SLC2A13: variants seen among roughly 807,000 people sequenced by gnomAD.
The protein encoded by SLC2A13 is solute carrier family 2 member 13.
SLC2A13 carries 32 observed loss-of-function variants against 64.4 expected under a neutral mutation model. The ratio of observed to expected loss-of-function variants is 0.50; its 90% CI spans 0.37 to 0.67. SLC2A13 has a LOEUF of 0.67. Ranked by LOEUF, SLC2A13 falls within the 30% of genes least tolerant of loss-of-function variation. SLC2A13 has a pLI of 0.00. For missense variants in SLC2A13, 743 were observed against 829.2 expected (o/e 0.90, Z 1.28); for synonymous variants, 338 against 327.1 (o/e 1.03, Z -0.36).
At position 39,813,278 on chromosome 12, in the gene SLC2A13, A is replaced by G. The variant is rs571193996; in HGVS notation, c.1445+16825T>C. Among the ~76,000 whole-genome samples, 5 of 152,034 alleles carry G rather than the reference A, an allele frequency of 3.3e-5. No homozygotes were observed. In the South Asian group the frequency reaches 1.0e-3, roughly 32 times the overall value. The stretch of plus-strand genomic sequence containing the variant: ...ACTTTTGTCTTTGATCTAGGTCAGC[A>G]TTTATTTTGACATACATCAAAATTT... On this transcript the variant is annotated intron_variant, in intron 7 of 9. Transcript: ENST00000280871.
At chr12:39,864,573 C>A (rs1233804272) in intron 6 of SLC2A13, among the ~76,000 whole-genome samples, 189 bp downstream of exon 6, 1 of 152,204 alleles carries the variant, frequency 6.6e-6, no homozygotes, top group Non-Finnish European at 1.5e-5. Context: ...TCCTTACACT[C>A]ACACATCTGC....
At chr12:39,790,111 T>G (rs974854793) in intron 7 of SLC2A13, among the ~76,000 whole-genome samples, 21 of 69,974 alleles carry the variant, frequency 3.0e-4, no homozygotes, top group African/African-American at 9.0e-4. Context: ...TAAGATTCTG[T>G]GCATTCTTTT....
At chr12:39,876,578 A>G (rs1183124803) in intron 4 of SLC2A13, among the ~76,000 whole-genome samples, 1 of 152,178 alleles carries the variant, frequency 6.6e-6, no homozygotes, top group African/African-American at 2.4e-5. Context: ...AAAATTAAAG[A>G]CTGATAATAG....
At chr12:40,031,012 T>G (rs1001020653) in intron 2 of SLC2A13, among the ~76,000 whole-genome samples, 1 of 152,238 alleles carries the variant, frequency 6.6e-6, no homozygotes, top group African/African-American at 2.4e-5. Flanking sequence ...ATCCTAATAC[T>G]TCTAAAAGTA....
At chr12:39,789,494 C>G (rs1326020374) in intron 7 of SLC2A13, among the ~76,000 whole-genome samples, 2 of 152,084 alleles carry the variant, frequency 1.3e-5, no homozygotes, top group Non-Finnish European at 2.9e-5. Flanking sequence ...AATAATGCTG[C>G]TATGCACATA....
intron 1 of SLC2A13, among the ~76,000 whole-genome samples, chr12:40,098,029 A>G (rs1248260279): frequency 6.8e-6 from 1 of 146,398 alleles, no homozygotes; most frequent in Non-Finnish European, 1.5e-5. Flanking sequence ...GTGTATATGT[A>G]TGTATATATG....
At chr12:40,001,371 G>T (rs554605170) in intron 3 of SLC2A13, among the ~76,000 whole-genome samples, 37 of 152,310 alleles carry the variant, frequency 2.4e-4, no homozygotes, top group African/African-American at 8.7e-4. Flanking sequence ...GGAATAAAAA[G>T]TCAGGTGAAT....
chr12:39,868,419 C>T (rs1038956459), intron 5 of SLC2A13, among the ~76,000 whole-genome samples: 3 of 152,174 alleles, frequency 2.0e-5, no homozygotes, highest in African/African-American at 7.2e-5. Context: ...AATTTCCCTT[C>T]CCATGACTCT....
At chr12:40,007,573 G>A (rs563852914) in intron 3 of SLC2A13, among the ~76,000 whole-genome samples, 2 of 152,190 alleles carry the variant, frequency 1.3e-5, no homozygotes, top group South Asian at 4.1e-4. Context: ...GTTTTTAAAT[G>A]ATGATGGAAA....
intron 3 of SLC2A13, among the ~76,000 whole-genome samples, chr12:39,974,180 A>G (rs1373682980): frequency 1.3e-5 from 2 of 152,194 alleles, no homozygotes; most frequent in Non-Finnish European, 2.9e-5. Flanking sequence ...TAGTGTTATC[A>G]TTCCTGTTTT....
chr12:39,848,711 C>T (rs1375923431), intron 6 of SLC2A13, among the ~76,000 whole-genome samples: 1 of 152,118 alleles, frequency 6.6e-6, no homozygotes, highest in Non-Finnish European at 1.5e-5. Context: ...ACCATAAAGA[C>T]ACATGCATGG....
chr12:40,042,460 T>C (rs923044007), intron 2 of SLC2A13, among the ~76,000 whole-genome samples: 1 of 152,116 alleles, frequency 6.6e-6, no homozygotes, highest in African/African-American at 2.4e-5. Flanking sequence ...AGGAGATAAA[T>C]TTTCATAGGC....
rs151250364 is a variant in SLC2A13 at position 39,824,033 on chromosome 12, C to T, written c.1445+6070G>A. ...ATTTATAACTGTGATAATTTTAAACCCTTATATATTTTTATAAGTATGGAT... is the reference window on the plus strand; with the variant it reads ...ATTTATAACTGTGATAATTTTAAACTCTTATATATTTTTATAAGTATGGAT... On this transcript the variant is annotated intron_variant, in intron 7 of 9. Coordinates refer to ENST00000280871, the MANE Select transcript of SLC2A13 (RefSeq NM_052885.4). Among the ~76,000 whole-genome samples, 160 of 151,880 alleles carry T rather than the reference C, an allele frequency of 1.1e-3. 1 individual carries two copies. Among genetic ancestry groups the T allele is most frequent in the African/African-American group, 3.5e-3 (147 of 41,418 alleles).
At chr12:39,988,708 AGGAAGGAAGGAAGGAAGGAAG>A (rs1947078608) in intron 3 of SLC2A13, among the ~76,000 whole-genome samples, 1 of 97,758 alleles carries the variant, frequency 1.0e-5, no homozygotes, top group African/African-American at 4.4e-5. Flanking sequence ...GAAGGAAGGA[AGGAAGGAAGGAAGGAAGGAAG>A]GGGGGGAGGA....
rs554471865 is a variant in SLC2A13, at chr12:39,883,130, T to C, written c.1035-11169A>G. Among the ~76,000 whole-genome samples the C allele has an allele frequency of 1.1e-3, 161 of 152,306 alleles. 1 individual carries two copies. Among genetic ancestry groups the C allele is most frequent in the African/African-American group, 3.6e-3 (148 of 41,568 alleles). On this transcript the variant is annotated intron_variant, in intron 4 of 9. Transcript: ENST00000280871. ...AGTATATAATTCAGTGTTAAGTATA[T>C]ATCATTAAATTTTAATCTCTTTAAT...
At chr12:39,873,090 C>G (rs911101750) in intron 4 of SLC2A13, among the ~76,000 whole-genome samples, 13 of 152,042 alleles carry the variant, frequency 8.6e-5, no homozygotes, top group African/African-American at 3.1e-4. Context: ...GATGATGGTT[C>G]TTATCTAAAA....
At chr12:39,901,819 T>A (rs531752232) in intron 4 of SLC2A13, among the ~76,000 whole-genome samples, 2,029 of 144,888 alleles carry the variant, frequency 0.014, 49 homozygotes, top group African/African-American at 0.047. Context: ...AAATACCATT[T>A]GACCCAGCCA....
intron 4 of SLC2A13, among the ~76,000 whole-genome samples, chr12:39,905,832 A>AAAAC (rs1555131481): frequency 6.6e-6 from 1 of 151,536 alleles, no homozygotes; most frequent in African/African-American, 2.4e-5. Flanking sequence ...GAAAAAAAAA[A>AAAAC]AAACTACACT....
At chr12:40,023,883 C>T (rs1047405875) in intron 3 of SLC2A13, among the ~76,000 whole-genome samples, 14 of 152,118 alleles carry the variant, frequency 9.2e-5, no homozygotes, top group East Asian at 5.8e-4. Context: ...AGGAAAAAAA[C>T]GGTTTACAGT....
Sources: gnomAD v4.1 joint callset for allele counts (sites outside exome capture counted in the v4.1 genomes callset) on GRCh38, gnomAD v4.1.1 for gene constraint, MANE v1.5 for transcripts, NCBI Gene and HGNC (gene_info 2026-07-23, HGNC 2026-07-21) for gene names.